SYMPK: variants seen among roughly 807,000 people sequenced by gnomAD.
SYMPK encodes the protein symplekin.
SYMPK carries 49 observed loss-of-function variants against 136.4 expected under a neutral mutation model. The observed-to-expected ratio is 0.36, with a 90% CI of 0.29 to 0.46. SYMPK has a LOEUF of 0.46. Among genes scored for constraint, SYMPK ranks in the 20% least tolerant of loss-of-function variants. The pLI, the probability that SYMPK is intolerant of heterozygous loss-of-function variation, is 1.00. For synonymous variants in SYMPK, 766 were observed against 713.0 expected (o/e 1.07, Z -1.19); for missense variants, 1,365 against 1,690.0 (o/e 0.81, Z 3.37).
intron 1 of SYMPK, among the ~76,000 whole-genome samples, chr19:45,861,344 A>G (rs1333123598): frequency 6.6e-6 from 1 of 152,128 alleles, no homozygotes; most frequent in South Asian, 2.1e-4. Flanking sequence ...TTAAACACAC[A>G]TACACAAAAT....
chr19:45,818,367 C>A (rs989036479), intron 22 of SYMPK, among the ~76,000 whole-genome samples: 6 of 152,200 alleles, frequency 3.9e-5, no homozygotes, highest in Non-Finnish European at 2.9e-5. Context: ...AGAAGACATC[C>A]AACTCCAGGA....
At chr19:45,826,187 C>A in intron 17 of SYMPK, 39 bp downstream of exon 17, 2 of 1,586,674 alleles carry the variant, frequency 1.3e-6, no homozygotes, top group Non-Finnish European at 8.6e-7. Context: ...AGCGCGGACA[C>A]AGCAGCGCTC....
intron 3 of SYMPK, among the ~76,000 whole-genome samples, chr19:45,852,764 G>C (rs1971727476): frequency 6.6e-6 from 1 of 152,106 alleles, no homozygotes; most frequent in South Asian, 2.1e-4. Context: ...ACTCAAAAGG[G>C]ATGTTAGGAG....
At chr19:45,857,203 A>T (rs1971842304) in intron 1 of SYMPK, among the ~76,000 whole-genome samples, 1 of 151,456 alleles carries the variant, frequency 6.6e-6, no homozygotes. Flanking sequence ...AGGTCAGGAG[A>T]TCGAGACCAT....
In SYMPK at chr19:45,842,327, C is replaced by T. The variant is rs750978658; in HGVS notation, c.1010G>A (p.Arg337His). Residue 337 changes from arginine to histidine, a missense_variant, in exon 9 of 27, where the codon CGC (arginine) becomes CAC (histidine). Around this residue, in one of 11 missense-constraint regions of SYMPK, gnomAD observed 111 missense variants for 141.2 expected, o/e 0.79. Transcript: ENST00000245934. ...GGTGTCCTTGCTGCTCGGCATGTTG[C>T]GGGCGATCTCGGCCTGAGGTGTGCC... ...DLGTPQAEIA[R>H]NMPSSKDTRK... is the part of the protein sequence containing the mutation. 4.3e-6 allele frequency: 7 copies of T among 1,614,180 alleles called. No individual in the cohort carries two copies. The highest frequency in any genetic ancestry group is 5.1e-6 in the Non-Finnish European group (6 of 1,180,034).
chr19:45,837,833 C>T (rs894304331), intron 10 of SYMPK, among the ~76,000 whole-genome samples: 10 of 151,870 alleles, frequency 6.6e-5, no homozygotes, highest in African/African-American at 2.2e-4. Context: ...GAGGTTCACT[C>T]CCAGGTTTCT....
chr19:45,828,926 G>A, intron 14 of SYMPK, 44 bp downstream of exon 14: 2 of 1,582,638 alleles, frequency 1.3e-6, no homozygotes, highest in Admixed American at 3.4e-5. Context: ...CACCAGGAGA[G>A]GAAGCCTCTC....
At chr19:45,818,725 C>A (rs1970813075) in intron 22 of SYMPK, among the ~76,000 whole-genome samples, 1 of 152,120 alleles carries the variant, frequency 6.6e-6, no homozygotes, top group South Asian at 2.1e-4. Flanking sequence ...CATACGATGA[C>A]CCCCCGACTC....
At chr19:45,836,074 C>T (rs1971294272) in intron 10 of SYMPK, among the ~76,000 whole-genome samples, 1 of 151,892 alleles carries the variant, frequency 6.6e-6, no homozygotes, top group Non-Finnish European at 1.5e-5. Flanking sequence ...AAGATAATTT[C>T]CTTTTTATTT....
At chr19:45,817,417 C>CTTTTTTTTTTTTTTTTTTT (rs559430104) in intron 23 of SYMPK, among the ~76,000 whole-genome samples, 6 of 108,476 alleles carry the variant, frequency 5.5e-5, no homozygotes, top group African/African-American at 1.4e-4. Context: ...TTTTTGTTCT[C>CTTTTTTTTTTTTTTTTTTT]TTTTTTTTTT....
chr19:45,854,579 C>T lies in SYMPK; in HGVS notation c.-12-72G>A, dbSNP rs1038373860. Reference sequence around the variant, plus strand: ...GGATGGGCTGGGCTGGATTGTCACCCGAACACCTACAAAGGGCCCAAGCCT... The same window carrying T: ...GGATGGGCTGGGCTGGATTGTCACCTGAACACCTACAAAGGGCCCAAGCCT... On this transcript the variant is annotated intron_variant, in intron 1 of 26. Transcript: ENST00000245934. 1.2e-5 allele frequency: 15 copies of T among 1,270,370 alleles called. No individual in the cohort carries two copies. In the African/African-American group the frequency reaches 1.6e-4, roughly 14 times the overall value. 78.7% of individuals were successfully genotyped at this position (1,270,370 alleles called of 1,614,324 possible). A position where few individuals can be genotyped will look rare whatever the true frequency, so the allele number is the denominator to read the frequency against.
At chr19:45,841,662 GA>G (rs1971440218) in intron 9 of SYMPK, among the ~76,000 whole-genome samples, 1 of 151,872 alleles carries the variant, frequency 6.6e-6, no homozygotes, top group Admixed American at 6.6e-5. Flanking sequence ...TGTGATTTAA[GA>G]AAAAAATCTT....
At chr19:45,862,138 T>C (rs888111502) in intron 1 of SYMPK, 8 of 152,226 alleles carry the variant, frequency 5.3e-5, no homozygotes, top group African/African-American at 1.9e-4. Context: ...GTATAGAGAT[T>C]TTCATCATTT....
Position 45,842,413 on chromosome 19 carries a change from C to T in SYMPK, c.924G>A (p.Val308=), listed in dbSNP as rs1971463424. 6.2e-7 allele frequency: 1 copy of T among 1,614,214 alleles called. No homozygotes were observed. Among genetic ancestry groups the T allele is most frequent in the African/African-American group, 1.3e-5 (1 of 75,058 alleles). Reference sequence around the variant, plus strand: ...ACTCCAAGGAAGCCGGGTGCTTCAGCACACTCAACAGGTGCAGCTTCAGAT... The same window carrying T: ...ACTCCAAGGAAGCCGGGTGCTTCAGTACACTCAACAGGTGCAGCTTCAGAT... The part of the protein sequence containing the change: ...RKNLKLHLLS[V]LKHPASLEFQ... Residue 308 remains valine (V), a synonymous_variant, in exon 9 of 27, where the codon GTG becomes GTA. Coordinates refer to ENST00000245934, the MANE Select transcript of SYMPK (RefSeq NM_004819.3).
At chr19:45,861,730 C>CT (rs1249220231) in intron 1 of SYMPK, among the ~76,000 whole-genome samples, 1 of 144,516 alleles carries the variant, frequency 6.9e-6, no homozygotes, top group Non-Finnish European at 1.5e-5. Context: ...GAGTGAGACT[C>CT]TGTCTCAAAA....
chr19:45,836,699 C>CGCCA (rs1351213146), intron 10 of SYMPK, among the ~76,000 whole-genome samples: 4 of 151,934 alleles, frequency 2.6e-5, no homozygotes, highest in Non-Finnish European at 4.4e-5. Flanking sequence ...AGTGCAGTGG[C>CGCCA]GCCATCAGAG....
At chr19:45,861,721 A>G (rs1600541950) in intron 1 of SYMPK, among the ~76,000 whole-genome samples, 1 of 148,790 alleles carries the variant, frequency 6.7e-6, no homozygotes, top group East Asian at 2.0e-4. Flanking sequence ...TGGGTGACAG[A>G]GTGAGACTCT....
At chr19:45,844,754 A>T (rs936941265) in intron 7 of SYMPK, among the ~76,000 whole-genome samples, 7 of 152,192 alleles carry the variant, frequency 4.6e-5, no homozygotes, top group African/African-American at 1.2e-4. Flanking sequence ...ATGTGTATAT[A>T]CACACAACTC....
chr19:45,852,404 A>T lies in SYMPK; in HGVS notation c.226-19T>A, dbSNP rs1411163438. On this transcript the variant is annotated intron_variant, in intron 4 of 26. Transcript: ENST00000245934. ...TGATCTCCTGCCAATGTTAGAGAGA[A>T]AGTGGATCAGGGCTACACAAGGATC... 6.2e-7 allele frequency: 1 copy of T among 1,614,178 alleles called. No individual in the cohort carries two copies. The highest frequency in any genetic ancestry group is 1.1e-5 in the South Asian group (1 of 91,078).
Sources: gnomAD v4.1 joint callset for allele counts (sites outside exome capture counted in the v4.1 genomes callset) on GRCh38, gnomAD v4.1.1 for gene constraint, gnomAD v4.1.1 regional missense constraint, MANE v1.5 for transcripts, NCBI Gene and HGNC (gene_info 2026-07-23, HGNC 2026-07-21) for gene names.